The following SECISBP2 variants were observed in gnomAD, a reference collection of about 807,000 sequenced individuals.
SECISBP2 encodes the protein SECIS binding protein 2, also known as selenocysteine insertion sequence-binding protein 2.
In SECISBP2, 96 loss-of-function variants were observed where a neutral mutation model predicts 98.2. The ratio of observed to expected loss-of-function variants is 0.98; its 90% CI spans 0.83 to 1.16. The LOEUF (loss-of-function observed/expected upper bound fraction) is 1.16, where lower values mean the gene tolerates loss of function less well. Ranked by LOEUF, SECISBP2 falls within the 50% of genes most tolerant of loss-of-function variation. The pLI is 0.00. For synonymous variants in SECISBP2, 407 were observed against 370.2 expected (o/e 1.10, Z -1.14); for missense variants, 1,046 against 1,022.9 (o/e 1.02, Z -0.31).
intron 11 of SECISBP2, 41 bp downstream of exon 11, chr9:89,347,089 T>G: frequency 6.3e-7 from 1 of 1,596,242 alleles, no homozygotes; most frequent in Non-Finnish European, 8.6e-7. Context: ...ACTAGAAAAC[T>G]TAGTCTCACA....
rs188269355 is a variant in SECISBP2, at chr9:89,358,223, G to T, written c.2461+32G>T. On this transcript the variant is annotated intron_variant, in intron 16 of 16. Coordinates refer to ENST00000375807, the MANE Select transcript of SECISBP2 (RefSeq NM_024077.5). ...GCTTAAGGGAGAGTTGTGTCAGGTC[G>T]AGTGTCCTCTTATTTACTGACTTTA... The T allele has an allele frequency of 2.3e-5, 37 of 1,591,990 alleles. 1 individual carries two copies. Among genetic ancestry groups the T allele is most frequent in the Non-Finnish European group, 1.7e-6 (2 of 1,167,812 alleles).
intron 13 of SECISBP2, 45 bp downstream of exon 13, chr9:89,349,974 G>A: frequency 1.2e-6 from 2 of 1,609,688 alleles, no homozygotes; most frequent in Non-Finnish European, 1.7e-6. Flanking sequence ...AGATGGAAGT[G>A]CTTCGGTTCA....
chr9:89,327,014 T>C (rs967583077), intron 4 of SECISBP2, among the ~76,000 whole-genome samples: 6 of 152,140 alleles, frequency 3.9e-5, no homozygotes, highest in African/African-American at 1.4e-4. Flanking sequence ...TACAAAATAT[T>C]AGCCTGGCGT....
intron 2 of SECISBP2, chr9:89,322,443 T>C (rs1428654631): frequency 6.6e-6 from 1 of 152,250 alleles, no homozygotes; most frequent in African/African-American, 2.4e-5. Context: ...TCATAGTTAC[T>C]ACAATCCATG....
At chr9:89,334,872 G>A (rs1828367731) in intron 7 of SECISBP2, 142 bp downstream of exon 7, 3 of 705,928 alleles carry the variant, frequency 4.2e-6, no homozygotes, top group Non-Finnish European at 7.5e-6. Flanking sequence ...GGTGATGATG[G>A]TTGCACAACA....
At chr9:89,342,507 C>T (rs994991151) in intron 10 of SECISBP2, among the ~76,000 whole-genome samples, 5 of 152,132 alleles carry the variant, frequency 3.3e-5, no homozygotes, top group Admixed American at 6.5e-5. Context: ...AATAACCAAA[C>T]GGTAGAAACA....
downstream of SECISBP2, chr9:89,364,083 T>G (rs1378737708): frequency 6.4e-7 from 1 of 1,558,880 alleles, no homozygotes; most frequent in African/African-American, 1.4e-5. Flanking sequence ...TCCAATTCAG[T>G]CCCTGGGACT....
At chr9:89,362,296 C>T (rs1832817715), downstream of SECISBP2, 1 of 1,595,308 alleles carries the variant, frequency 6.3e-7, no homozygotes, top group Non-Finnish European at 8.6e-7. Context: ...TTGGGCAAGA[C>T]AGTTCACAGT....
chr9:89,320,930 T>G (rs1411739546), intron 2 of SECISBP2, among the ~76,000 whole-genome samples: 1 of 152,264 alleles, frequency 6.6e-6, no homozygotes, highest in Non-Finnish European at 1.5e-5. Context: ...CTGCATGATG[T>G]AATTGAAAAT....
downstream of SECISBP2, chr9:89,362,089 T>G: frequency 1.9e-6 from 1 of 536,308 alleles, no homozygotes; most frequent in Non-Finnish European, 3.4e-6. Context: ...ACCCTGCTGT[T>G]TTAGTTCACG....
At chr9:89,321,552 A>T (rs1341829014) in intron 2 of SECISBP2, among the ~76,000 whole-genome samples, 3 of 152,108 alleles carry the variant, frequency 2.0e-5, no homozygotes, top group Non-Finnish European at 2.9e-5. Context: ...CTGTAATCCC[A>T]GTTACTCGGG....
At chr9:89,360,129 G>C (rs1832654457), downstream of SECISBP2, among the ~76,000 whole-genome samples, 1 of 152,172 alleles carries the variant, frequency 6.6e-6, no homozygotes, top group South Asian at 2.1e-4. Context: ...AGTGACCAGT[G>C]TGAGCCTTGC....
At chr9:89,335,868 G>A (rs188037300) in intron 7 of SECISBP2, among the ~76,000 whole-genome samples, 16 of 152,230 alleles carry the variant, frequency 1.1e-4, no homozygotes, top group Non-Finnish European at 1.8e-4. Context: ...ATAAGTTTAT[G>A]CTCTGGTGTA....
intron 10 of SECISBP2, among the ~76,000 whole-genome samples, chr9:89,342,069 A>G (rs969597977): frequency 6.6e-6 from 1 of 152,244 alleles, no homozygotes; most frequent in African/African-American, 2.4e-5. Context: ...TTAATATTCA[A>G]ATATTTAGGA....
chr9:89,348,065 A>G lies in SECISBP2; in HGVS notation c.1603-14A>G, dbSNP rs375428205. On this transcript the variant is annotated splice_polypyrimidine_tract_variant and intron_variant, in intron 11 of 16. Transcript: ENST00000375807. ...AAGTATTTAGGCATTTTAATTGTTT[A>G]TTTAATTTTTAAGATTATTTTGAAA... The G allele has an allele frequency of 2.5e-4, 394 of 1,604,774 alleles. 2 individuals carry two copies. In the African/African-American group the frequency reaches 4.5e-3, roughly 18 times the overall value.
chr9:89,349,735 G>A (rs1830976967), intron 12 of SECISBP2, 41 bp from the exon 13 acceptor site: 1 of 1,612,234 alleles, frequency 6.2e-7, no homozygotes. Flanking sequence ...GTGTGCACTG[G>A]GCCTCACAGA....
Position 89,340,006 on chromosome 9 carries a change from A to G in SECISBP2, c.1302+53A>G, listed in dbSNP as rs973174513. On this transcript the variant is annotated intron_variant, in intron 9 of 16. Transcript: ENST00000375807. Reference sequence around the variant, plus strand: ...GCTTTAGGCTTAACTCTTCTGGCTCAACTAAATGCTTGAGAAAAACTGCTT... The same window carrying G: ...GCTTTAGGCTTAACTCTTCTGGCTCGACTAAATGCTTGAGAAAAACTGCTT... 2.3e-6 allele frequency: 3 copies of G among 1,304,960 alleles called. No homozygotes were observed. In the African/African-American group the frequency reaches 4.4e-5, roughly 19 times the overall value. 80.8% of individuals were successfully genotyped at this position (1,304,960 alleles called of 1,614,324 possible). A position where few individuals can be genotyped will look rare whatever the true frequency, so the allele number is the denominator to read the frequency against.
intron 1 of SECISBP2, 39 bp downstream of exon 1, chr9:89,318,651 G>A (rs1825117735): frequency 7.2e-7 from 1 of 1,387,070 alleles, no homozygotes; most frequent in Non-Finnish European, 9.3e-7. Flanking sequence ...GCCTCAGTCC[G>A]TCCGCCTGCC....
At chr9:89,362,022 G>T (rs1371154708), downstream of SECISBP2, 1 of 360,048 alleles carries the variant, frequency 2.8e-6, no homozygotes, top group Admixed American at 3.9e-5. Context: ...TCACTGGGAC[G>T]GTGTAGGATC....
Sources: allele counts gnomAD v4.1 joint callset (sites outside exome capture counted in the v4.1 genomes callset), GRCh38; gene constraint gnomAD v4.1.1; transcripts MANE v1.5; gene names NCBI Gene and HGNC (gene_info 2026-07-23, HGNC 2026-07-21).